Variants in CD38 observed in about 807,000 individuals in gnomAD.
CD38 encodes ADP-ribosyl cyclase/cyclic ADP-ribose hydrolase 1.
Under a neutral mutation model 36.3 loss-of-function variants are expected in CD38, and 31 were observed. That is an observed-to-expected ratio of 0.85 (90% CI 0.64 to 1.15). The LOEUF is 1.15. CD38 is among the 50% of genes most tolerant of loss of function. The probability of loss-of-function intolerance (pLI) is 0.00; values close to 1 mark genes in which losing one functional copy is unlikely to be tolerated. For synonymous variants in CD38, 131 were observed against 135.2 expected (o/e 0.97, Z 0.22); for missense variants, 380 against 371.9 (o/e 1.02, Z -0.18).
intron 1 of CD38, among the ~76,000 whole-genome samples, chr4:15,787,474 G>A (rs1722863753): frequency 6.6e-6 from 1 of 152,192 alleles, no homozygotes; most frequent in Non-Finnish European, 1.5e-5. Flanking sequence ...GCCCTCTTGG[G>A]CACAGGGATA....
chr4:15,783,384 T>C (rs1722739222), intron 1 of CD38, among the ~76,000 whole-genome samples: 1 of 152,194 alleles, frequency 6.6e-6, no homozygotes, highest in South Asian at 2.1e-4. Flanking sequence ...GCCCTCTCCA[T>C]GGATGATGGT....
intron 4 of CD38, among the ~76,000 whole-genome samples, chr4:15,837,199 A>G (rs967897600): frequency 6.6e-6 from 1 of 152,230 alleles, no homozygotes; most frequent in Admixed American, 6.5e-5. Flanking sequence ...CCCTGGCACT[A>G]GGAATACAGA....
intron 1 of CD38, among the ~76,000 whole-genome samples, chr4:15,801,145 A>G (rs558782780): frequency 6.7e-6 from 1 of 150,068 alleles, no homozygotes; most frequent in East Asian, 1.9e-4. Flanking sequence ...AGAGACTATT[A>G]TGAACACCAA....
At chr4:15,820,486 G>A (rs748946719) in intron 2 of CD38, among the ~76,000 whole-genome samples, 11 of 152,126 alleles carry the variant, frequency 7.2e-5, no homozygotes, top group Non-Finnish European at 1.6e-4. Flanking sequence ...AATAAGGGAT[G>A]GAGGAATATT....
chr4:15,786,036 C>G (rs1722815193), intron 1 of CD38, among the ~76,000 whole-genome samples: 1 of 152,072 alleles, frequency 6.6e-6, no homozygotes, highest in Non-Finnish European at 1.5e-5. Context: ...GTTCGTTCCT[C>G]CTGGTGGGTT....
chr4:15,783,928 CACTTAGCAAAG>C (rs1046910544), intron 1 of CD38, among the ~76,000 whole-genome samples: 28 of 152,276 alleles, frequency 1.8e-4, no homozygotes, highest in African/African-American at 5.8e-4. Flanking sequence ...TTTATGCAAA[CACTTAGCAAAG>C]ACTTAGCTGT....
chr4:15,847,870 C>T (rs1724297359), intron 7 of CD38, among the ~76,000 whole-genome samples: 1 of 152,174 alleles, frequency 6.6e-6, no homozygotes, highest in African/African-American at 2.4e-5. Context: ...CACTCATTCT[C>T]CATCTGGAAA....
At chr4:15,814,892 C>T (rs1294280107) in intron 1 of CD38, among the ~76,000 whole-genome samples, 2 of 151,784 alleles carry the variant, frequency 1.3e-5, no homozygotes, top group Non-Finnish European at 2.9e-5. Context: ...CTGCAACCTC[C>T]GCCTCCCTGG....
chr4:15,807,316 G>A (rs1723363567), intron 1 of CD38, among the ~76,000 whole-genome samples: 1 of 152,202 alleles, frequency 6.6e-6, no homozygotes, highest in Admixed American at 6.5e-5. Context: ...GAAGGCTGAA[G>A]CTGTAATAAG....
intron 4 of CD38, among the ~76,000 whole-genome samples, 182 bp from the exon 5 acceptor site, chr4:15,837,910 G>C (rs928697455): frequency 1.3e-5 from 2 of 152,192 alleles, no homozygotes; most frequent in Admixed American, 6.5e-5. Flanking sequence ...CAAGAACTCT[G>C]ATATGAAGCA....
intron 1 of CD38, among the ~76,000 whole-genome samples, chr4:15,783,100 TTC>T (rs1238359044): frequency 6.6e-6 from 1 of 152,182 alleles, no homozygotes; most frequent in African/African-American, 2.4e-5. Flanking sequence ...AAGAGCTGCC[TTC>T]TGACCAAGAT....
At position 15,834,203 on chromosome 4, in the gene CD38, A is replaced by C. The variant is rs755930532; in HGVS notation, c.500-14A>C. 2 of 1,538,080 alleles carry C rather than the reference A, an allele frequency of 1.3e-6. No individual in the cohort carries two copies. Among genetic ancestry groups the C allele is most frequent in the South Asian group, 2.2e-5 (2 of 89,524 alleles). On this transcript the variant is annotated splice_polypyrimidine_tract_variant and intron_variant, in intron 3 of 7. Coordinates refer to ENST00000226279, the MANE Select transcript of CD38 (RefSeq NM_001775.4). ...CTGTTTTCCACTTTATTTTCTACAA[A>C]CTATGTCTTTTAGAAATAAACTATC...
At chr4:15,790,517 G>A (rs547365759) in intron 1 of CD38, among the ~76,000 whole-genome samples, 12 of 152,114 alleles carry the variant, frequency 7.9e-5, no homozygotes, top group South Asian at 2.1e-4. Context: ...GCGTGATCTC[G>A]GCTCGCTACA....
At chr4:15,795,489 T>G (rs1008818240) in intron 1 of CD38, among the ~76,000 whole-genome samples, 3 of 152,042 alleles carry the variant, frequency 2.0e-5, no homozygotes, top group Admixed American at 2.0e-4. Flanking sequence ...TTTTAAAAAT[T>G]ATAAAAGTAA....
At chr4:15,796,790 G>A (rs1723112253) in intron 1 of CD38, among the ~76,000 whole-genome samples, 1 of 151,850 alleles carries the variant, frequency 6.6e-6, no homozygotes, top group Admixed American at 6.6e-5. Flanking sequence ...ATTCTACAAT[G>A]TATCTTGATG....
intron 1 of CD38, among the ~76,000 whole-genome samples, chr4:15,785,640 T>C (rs1722799438): frequency 6.6e-6 from 1 of 152,128 alleles, no homozygotes; most frequent in South Asian, 2.1e-4. Flanking sequence ...TCAGTTTAGA[T>C]ATTTTGGAGG....
intron 4 of CD38, 147 bp downstream of exon 4, chr4:15,834,449 T>G (rs2286552): frequency 3.1e-5 from 19 of 614,494 alleles, no homozygotes; most frequent in Non-Finnish European, 4.6e-5. Flanking sequence ...AAGGTTCAGA[T>G]GCACATGCCA....
At chr4:15,813,142 A>G (rs1159485299) in intron 1 of CD38, among the ~76,000 whole-genome samples, 2 of 152,156 alleles carry the variant, frequency 1.3e-5, no homozygotes, top group African/African-American at 2.4e-5. Flanking sequence ...CTTGGCTAGA[A>G]CTCCAATACA....
At chr4:15,793,897 A>C (rs999063249) in intron 1 of CD38, among the ~76,000 whole-genome samples, 5 of 152,228 alleles carry the variant, frequency 3.3e-5, no homozygotes, top group African/African-American at 1.2e-4. Context: ...TACTGAAAAA[A>C]TGAATTTCCA....
Sources: allele counts gnomAD v4.1 joint callset (sites outside exome capture counted in the v4.1 genomes callset), GRCh38; gene constraint gnomAD v4.1.1; transcripts MANE v1.5; gene names NCBI Gene and HGNC (gene_info 2026-07-23, HGNC 2026-07-21).